PCDH15: variants seen among roughly 807,000 people sequenced by gnomAD.
PCDH15 encodes the protein protocadherin related 15, also known as protocadherin-15.
Under a neutral mutation model 178.5 loss-of-function variants are expected in PCDH15, and 129 were observed. The ratio of observed to expected loss-of-function variants is 0.72; its 90% CI spans 0.63 to 0.84. The LOEUF (loss-of-function observed/expected upper bound fraction) is 0.84. Among genes scored for constraint, PCDH15 ranks in the 40% least tolerant of loss-of-function variants. The probability of loss-of-function intolerance (pLI) is 0.00; values close to 1 mark genes in which losing one functional copy is unlikely to be tolerated. For missense variants in PCDH15, 2,230 were observed against 2,099.9 expected (o/e 1.06, Z -1.21); for synonymous variants, 800 against 732.0 (o/e 1.09, Z -1.50).
chr10:54,120,833 A>G (rs964105566), intron 15 of PCDH15, among the ~76,000 whole-genome samples: 1 of 152,146 alleles, frequency 6.6e-6, no homozygotes, highest in Non-Finnish European at 1.5e-5. Context: ...TAGCCACACA[A>G]TAACAGTGAG....
At chr10:53,992,553 T>C (rs1351493041) in intron 21 of PCDH15, among the ~76,000 whole-genome samples, 1 of 152,206 alleles carries the variant, frequency 6.6e-6, no homozygotes, top group African/African-American at 2.4e-5. Flanking sequence ...CATGTTCACA[T>C]ACTCACAAAA....
rs1173377441 is a variant in PCDH15, at chr10:54,655,256, A to AAGAGAGAGAGAGAGAGAGAGAGAGAG, written c.91+8890_91+8915dup. ...AGGAAGGGAAAGAAAGAAAGAAAGA[A>AAGAGAGAGAGAGAGAGAGAGAGAGAG]AGAGAGAGAGAGAGAGAGAGAGAGA... On this transcript the variant is annotated intron_variant, in intron 2 of 37. Coordinates refer to ENST00000644397, the MANE Select transcript of PCDH15 (RefSeq NM_001384140.1). Among the ~76,000 whole-genome samples, 31 of 48,882 alleles carry AAGAGAGAGAGAGAGAGAGAGAGAGAG rather than the reference A, an allele frequency of 6.3e-4. 3 individuals carry two copies. Among genetic ancestry groups the AAGAGAGAGAGAGAGAGAGAGAGAGAG allele is most frequent in the Admixed American group, 1.4e-3 (5 of 3,662 alleles). 32.1% of individuals were successfully genotyped at this position (48,882 alleles called of 152,430 possible). A position where few individuals can be genotyped will look rare whatever the true frequency, so the allele number is the denominator to read the frequency against.
Position 54,028,279 on chromosome 10 carries a change from C to T in PCDH15, c.2221-5082G>A, listed in dbSNP as rs1263336853. Among the ~76,000 whole-genome samples the T allele has an allele frequency of 4.0e-5, 6 of 150,174 alleles. No individual in the cohort carries two copies. In the East Asian group the frequency reaches 1.2e-3, roughly 30 times the overall value. ...GTTAGAATGGCAATCATTAAAAAGT[C>T]AGGAAACTACAGGTGCTGGAGAGGA... On this transcript the variant is annotated intron_variant, in intron 18 of 37. Transcript: ENST00000644397.
At chr10:55,179,074 C>T (rs1329398407) in intron 1 of PCDH15, among the ~76,000 whole-genome samples, 6 of 152,132 alleles carry the variant, frequency 3.9e-5, no homozygotes, top group African/African-American at 1.2e-4. Flanking sequence ...GCATACTTAA[C>T]CTCCTTGTAA....
At chr10:53,840,755 A>T (rs1423976510) in intron 28 of PCDH15, among the ~76,000 whole-genome samples, 1 of 152,226 alleles carries the variant, frequency 6.6e-6, no homozygotes, top group Non-Finnish European at 1.5e-5. Flanking sequence ...TGAATTTATG[A>T]TACTATTTGA....
chr10:54,243,366 G>T (rs2055600082), intron 8 of PCDH15, among the ~76,000 whole-genome samples: 2 of 152,092 alleles, frequency 1.3e-5, no homozygotes, highest in South Asian at 4.1e-4. Context: ...AATTAGTGGG[G>T]CATGGTGGCG....
At chr10:54,201,449 C>T (rs907695975) in intron 10 of PCDH15, among the ~76,000 whole-genome samples, 4 of 151,538 alleles carry the variant, frequency 2.6e-5, no homozygotes, top group African/African-American at 9.7e-5. Flanking sequence ...AATCATATTG[C>T]TTGTATAGTA....
chr10:54,864,358 T>C (rs989820665), intron 3 of PCDH15, among the ~76,000 whole-genome samples: 1 of 152,186 alleles, frequency 6.6e-6, no homozygotes, highest in African/African-American at 2.4e-5. Context: ...GTTTCATAAA[T>C]TATATTCATA....
chr10:55,555,168 A>C (rs1452599678), intron 2 of PCDH15, among the ~76,000 whole-genome samples: 1 of 152,092 alleles, frequency 6.6e-6, no homozygotes, highest in Non-Finnish European at 1.5e-5. Context: ...ACCAGTAACT[A>C]CTATTTTAAG....
At chr10:55,302,628 C>T (rs939105773) in intron 1 of PCDH15, among the ~76,000 whole-genome samples, 2 of 152,102 alleles carry the variant, frequency 1.3e-5, no homozygotes, top group African/African-American at 4.8e-5. Flanking sequence ...AGGAAGTTAA[C>T]CTCCTTTACT....
At chr10:54,009,514 G>T (rs1427900002) in intron 20 of PCDH15, among the ~76,000 whole-genome samples, 21 of 152,164 alleles carry the variant, frequency 1.4e-4, no homozygotes, top group Admixed American at 1.4e-3. Flanking sequence ...AGAGGTGGGG[G>T]CCAAGAGAAC....
At chr10:55,161,535 T>C (rs548322314) in intron 2 of PCDH15, among the ~76,000 whole-genome samples, 46 of 152,178 alleles carry the variant, frequency 3.0e-4, no homozygotes, top group African/African-American at 1.1e-3. Flanking sequence ...GAGAGACCCA[T>C]ACAGCCTGCA....
chr10:54,275,415 C>T (rs777469335), intron 8 of PCDH15, among the ~76,000 whole-genome samples: 5 of 151,746 alleles, frequency 3.3e-5, no homozygotes, highest in Non-Finnish European at 4.4e-5. Context: ...AGTTAAAAGG[C>T]GGCAGATGTA....
chr10:54,730,695 T>C (rs1055169511), intron 1 of PCDH15, among the ~76,000 whole-genome samples: 2 of 151,470 alleles, frequency 1.3e-5, no homozygotes, highest in African/African-American at 4.8e-5. Context: ...CTGAGAAAAC[T>C]GGATAACCAT....
chr10:54,282,719 G>T (rs570574950), intron 8 of PCDH15, among the ~76,000 whole-genome samples: 3 of 152,032 alleles, frequency 2.0e-5, no homozygotes, highest in Non-Finnish European at 4.4e-5. Flanking sequence ...ATGAATTCTA[G>T]ATAATTTTGA....
chr10:54,774,899 T>C (rs1177435419), intron 1 of PCDH15, among the ~76,000 whole-genome samples: 1 of 151,282 alleles, frequency 6.6e-6, no homozygotes, highest in African/African-American at 2.4e-5. Flanking sequence ...GATAATCTAT[T>C]TAATAAAGAA....
At chr10:55,352,174 G>A (rs1391909122) in intron 2 of PCDH15, among the ~76,000 whole-genome samples, 1 of 152,054 alleles carries the variant, frequency 6.6e-6, no homozygotes, top group Non-Finnish European at 1.5e-5. Context: ...ATACATTTTT[G>A]AATAAATGTG....
intron 3 of PCDH15, among the ~76,000 whole-genome samples, chr10:54,437,792 TTTAG>T: frequency 6.6e-6 from 1 of 152,302 alleles, no homozygotes; most frequent in East Asian, 1.9e-4. Context: ...CCTTGATACA[TTTAG>T]TTGTTTTATT....
chr10:53,866,180 G>T (rs1297945554), intron 27 of PCDH15, among the ~76,000 whole-genome samples: 2 of 152,152 alleles, frequency 1.3e-5, no homozygotes, highest in East Asian at 3.9e-4. Context: ...AACAAAATTT[G>T]TCCCCAAACA....
Sources: gnomAD v4.1 joint callset for allele counts (sites outside exome capture counted in the v4.1 genomes callset) on GRCh38, gnomAD v4.1.1 for gene constraint, MANE v1.5 for transcripts, NCBI Gene and HGNC (gene_info 2026-07-23, HGNC 2026-07-21) for gene names.